TENM2: variants seen among roughly 807,000 people sequenced by gnomAD.
TENM2 encodes teneurin-2.
TENM2 carries 52 observed loss-of-function variants against 245.2 expected under a neutral mutation model. That is an observed-to-expected ratio of 0.21 (90% confidence interval 0.17 to 0.27). TENM2 has a LOEUF of 0.27. Among genes scored for constraint, TENM2 ranks in the 10% least tolerant of loss-of-function variants. The probability of loss-of-function intolerance (pLI) is 1.00; values close to 1 mark genes in which losing one functional copy is unlikely to be tolerated. For missense variants in TENM2, 3,046 were observed against 3,666.8 expected, an observed-to-expected ratio of 0.83 and a Z score of 4.37; for synonymous variants, 1,363 against 1,438.9, an observed-to-expected ratio of 0.95 and a Z score of 1.19.
rs77205529 is a variant in TENM2 at position 168,123,992 on chromosome 5, G to A, written c.2009-858G>A. Reference sequence around the variant, plus strand: ...CCTCAAGAACTGGCCTTTGCAGCTCGCTCCTCTCCTCACTCTGAGTTTATT... The same window carrying A: ...CCTCAAGAACTGGCCTTTGCAGCTCACTCCTCTCCTCACTCTGAGTTTATT... On this transcript the variant is annotated intron_variant, in intron 10 of 28. Coordinates refer to ENST00000518659, the Ensembl canonical transcript of TENM2. 3.0e-3 allele frequency among the ~76,000 whole-genome samples: 451 copies of A among 152,238 alleles called. 4 individuals carry two copies. In the East Asian group the frequency reaches 0.037, roughly 12 times the overall value.
intron 2 of TENM2, among the ~76,000 whole-genome samples, chr5:167,733,701 C>A (rs547409510): frequency 6.6e-6 from 1 of 152,182 alleles, no homozygotes; most frequent in Admixed American, 6.5e-5. Flanking sequence ...TTCTTTTAAA[C>A]GGAAGGGCCC....
chr5:167,622,537 G>T (rs972743664), intron 2 of TENM2, among the ~76,000 whole-genome samples: 2 of 152,000 alleles, frequency 1.3e-5, no homozygotes, highest in South Asian at 4.1e-4. Flanking sequence ...ATGAGCCTTG[G>T]GACCCATCCT....
intron 7 of TENM2, among the ~76,000 whole-genome samples, chr5:168,069,802 CT>C (rs1366640800): frequency 2.6e-5 from 4 of 152,064 alleles, no homozygotes; most frequent in Admixed American, 1.3e-4. Flanking sequence ...AAAATTACAC[CT>C]GCTGCCAAAA....
intron 8 of TENM2, among the ~76,000 whole-genome samples, chr5:168,094,741 A>G (rs754728303): frequency 1.8e-4 from 27 of 152,020 alleles, no homozygotes; most frequent in Non-Finnish European, 3.5e-4. Flanking sequence ...AGATCCCTCC[A>G]TGTGCAGATC....
At chr5:167,285,113 G>C in intron 1 of TENM2, 50 bp downstream of exon 3, 1 of 1,398,048 alleles carries the variant, frequency 7.2e-7, no homozygotes, top group Non-Finnish European at 9.9e-7. Context: ...TAACTTACTT[G>C]ATTTACATGG....
intron 15 of TENM2, 71 bp from the exon 18 acceptor site, chr5:168,198,782 A>G (rs1761683970): frequency 6.5e-7 from 1 of 1,549,268 alleles, no homozygotes; most frequent in Non-Finnish European, 8.8e-7. Context: ...CCATCAGGGG[A>G]GGAGGAGAGG....
chr5:167,565,901 T>G (rs1773877057), intron 2 of TENM2, among the ~76,000 whole-genome samples: 1 of 152,340 alleles, frequency 6.6e-6, no homozygotes, highest in Non-Finnish European at 1.5e-5. Flanking sequence ...GCACTTTTCT[T>G]TGACATCTGC....
At chr5:168,051,962 TCCAAAGGTGAAGA>T (rs1200419877) in intron 6 of TENM2, among the ~76,000 whole-genome samples, 1 of 152,162 alleles carries the variant, frequency 6.6e-6, no homozygotes, top group African/African-American at 2.4e-5. Flanking sequence ...GGCTATATTT[TCCAAAGGTGAAGA>T]CCAACCAGGT....
chr5:168,262,324 C>T (rs372074193), exon 29 of TENM2: 22 of 1,609,878 alleles, frequency 1.4e-5, no homozygotes, highest in African/African-American at 5.3e-5. Flanking sequence ...ACTACAGCAT[C>T]GAGGGCAAGG....
chr5:167,445,337 A>ATG (rs1491215308), intron 2 of TENM2, among the ~76,000 whole-genome samples: 2 of 76,626 alleles, frequency 2.6e-5, no homozygotes, highest in African/African-American at 1.0e-4. Context: ...ATATATATAT[A>ATG]GAGAGAGAGA....
At chr5:167,060,921 G>T in the TENM2 span, among the ~76,000 whole-genome samples, 24 of 152,168 alleles carry the variant, frequency 1.6e-4, no homozygotes, top group East Asian at 4.1e-3. Flanking sequence ...ATCACCTGTT[G>T]TTGCTTGTTA....
chr5:167,571,461 A>G (rs1774259806), intron 2 of TENM2, among the ~76,000 whole-genome samples: 1 of 152,146 alleles, frequency 6.6e-6, no homozygotes, highest in East Asian at 1.9e-4. Flanking sequence ...ACATTCCTGT[A>G]AGAAATATTA....
At chr5:167,381,633 A>G (rs1313250791) in intron 2 of TENM2, among the ~76,000 whole-genome samples, 1 of 152,146 alleles carries the variant, frequency 6.6e-6, no homozygotes, top group African/African-American at 2.4e-5. Context: ...GCAGTTCTGG[A>G]TAGATTCCAT....
chr5:168,101,597 T>C (rs1286328615), intron 9 of TENM2, among the ~76,000 whole-genome samples: 1 of 152,216 alleles, frequency 6.6e-6, no homozygotes, highest in Non-Finnish European at 1.5e-5. Flanking sequence ...CCATGGTATA[T>C]AATTGATCCT....
At chr5:167,438,618 C>A (rs998213502) in intron 2 of TENM2, among the ~76,000 whole-genome samples, 2 of 152,176 alleles carry the variant, frequency 1.3e-5, no homozygotes, top group South Asian at 2.1e-4. Context: ...AGGATGGTCT[C>A]GATCTCCTGA....
At position 167,525,566 on chromosome 5, in the gene TENM2, A is replaced by G. The variant is rs78925055; in HGVS notation, c.502+150093A>G. ...ATGCCAATAATATGGAAATTTCAACATGGTTGACTTCTCTTTATAGAAGAC... is the reference window on the plus strand; with the variant it reads ...ATGCCAATAATATGGAAATTTCAACGTGGTTGACTTCTCTTTATAGAAGAC... On this transcript the variant is annotated intron_variant, in intron 2 of 28. Transcript: ENST00000518659. 3.2e-3 allele frequency among the ~76,000 whole-genome samples: 494 copies of G among 152,274 alleles called. 25 individuals are homozygous for G. In the South Asian group the frequency reaches 0.082, roughly 25 times the overall value.
chr5:168,055,784 G>C (rs181664912), intron 6 of TENM2, among the ~76,000 whole-genome samples: 1 of 152,260 alleles, frequency 6.6e-6, no homozygotes, highest in Admixed American at 6.5e-5. Context: ...ACATGCAGAA[G>C]CACCCCAAAA....
At chr5:168,018,008 C>G (rs776051707) in intron 5 of TENM2, among the ~76,000 whole-genome samples, 1 of 152,194 alleles carries the variant, frequency 6.6e-6, no homozygotes, top group Non-Finnish European at 1.5e-5. Flanking sequence ...CTCTGCACTT[C>G]CACTGTTGGG....
At chr5:167,242,775 AGG>A in the TENM2 span, among the ~76,000 whole-genome samples, 1 of 152,208 alleles carries the variant, frequency 6.6e-6, no homozygotes, top group South Asian at 2.1e-4. Flanking sequence ...AGTGAACAGT[AGG>A]CTATTTGTAG....
Sources: allele counts gnomAD v4.1 joint callset (sites outside exome capture counted in the v4.1 genomes callset), GRCh38; gene constraint gnomAD v4.1.1; transcripts MANE v1.5; gene names NCBI Gene and HGNC (gene_info 2026-07-23, HGNC 2026-07-21).